Variants in PPM1L observed in about 807,000 individuals in gnomAD.
The protein encoded by PPM1L is protein phosphatase, Mg2+/Mn2+ dependent 1L, also known as protein phosphatase 1L.
A neutral mutation model predicts 31.4 loss-of-function variants in PPM1L; 13 were observed. That is an observed-to-expected ratio of 0.41 (90% CI 0.27 to 0.66). The LOEUF (loss-of-function observed/expected upper bound fraction) is 0.66, where lower values mean the gene tolerates loss of function less well. Ranked by LOEUF, PPM1L falls within the 30% of genes least tolerant of loss-of-function variation. The pLI, the probability that PPM1L is intolerant of heterozygous loss-of-function variation, is 0.29. For missense variants in PPM1L, 326 were observed against 453.7 expected (o/e 0.72, Z 2.56); for synonymous variants, 184 against 175.4 (o/e 1.05, Z -0.39).
intron 2 of PPM1L, among the ~76,000 whole-genome samples, chr3:160,977,594 G>T (rs1716639218): frequency 6.6e-6 from 1 of 152,054 alleles, no homozygotes; most frequent in Admixed American, 6.6e-5. Flanking sequence ...CCTCATTCAA[G>T]GAAGGAAGTA....
intron 2 of PPM1L, among the ~76,000 whole-genome samples, chr3:161,056,064 C>T (rs142605649): frequency 1.6e-3 from 246 of 152,204 alleles, no homozygotes; most frequent in African/African-American, 5.7e-3. Flanking sequence ...CTCAGGACTC[C>T]AATTTTTAAA....
chr3:161,030,843 T>C lies in PPM1L; in HGVS notation c.575-34560T>C, dbSNP rs191396128. 5.7e-4 allele frequency among the ~76,000 whole-genome samples: 87 copies of C among 152,094 alleles called. 1 individual carries two copies. Among genetic ancestry groups the C allele is most frequent in the Admixed American group, 5.6e-3 (85 of 15,268 alleles). ...ACACAGGATATAGAAACAATCTCTG[T>C]TGAGAAAAAAAAAGGAAAGCTTCCA... On this transcript the variant is annotated intron_variant, in intron 2 of 3. Transcript: ENST00000498165.
chr3:160,770,493 TG>T (rs1715221418), intron 1 of PPM1L, among the ~76,000 whole-genome samples: 1 of 152,138 alleles, frequency 6.6e-6, no homozygotes, highest in Non-Finnish European at 1.5e-5. Flanking sequence ...TATAGAGAAT[TG>T]ATAATCACAG....
At chr3:161,050,263 G>A (rs970629015) in intron 2 of PPM1L, among the ~76,000 whole-genome samples, 19 of 152,014 alleles carry the variant, frequency 1.2e-4, no homozygotes, top group Admixed American at 9.2e-4. Context: ...GATCCAGTGA[G>A]GAAAATCAAA....
chr3:160,763,582 A>C (rs1424303219), intron 1 of PPM1L, among the ~76,000 whole-genome samples: 2 of 152,060 alleles, frequency 1.3e-5, no homozygotes, highest in African/African-American at 4.8e-5. Flanking sequence ...AGGTGAGGAG[A>C]GTGGGAGATG....
At chr3:160,808,329 G>T (rs1202088586) in intron 1 of PPM1L, among the ~76,000 whole-genome samples, 1 of 144,998 alleles carries the variant, frequency 6.9e-6, no homozygotes, top group African/African-American at 2.7e-5. Flanking sequence ...GTGCGTGCAT[G>T]TGTGGTGGGT....
intron 2 of PPM1L, among the ~76,000 whole-genome samples, chr3:160,962,473 A>T (rs1039956727): frequency 2.6e-5 from 4 of 152,116 alleles, no homozygotes; most frequent in Non-Finnish European, 4.4e-5. Flanking sequence ...CTGTCAGCTA[A>T]GACCCAATTT....
chr3:160,909,364 G>C (rs1439449092), intron 1 of PPM1L, among the ~76,000 whole-genome samples: 1 of 152,166 alleles, frequency 6.6e-6, no homozygotes, highest in Non-Finnish European at 1.5e-5. Flanking sequence ...TGGAGTAATT[G>C]GTAGAAGGTG....
At chr3:161,026,107 G>C (rs1028432024) in intron 2 of PPM1L, among the ~76,000 whole-genome samples, 1 of 152,190 alleles carries the variant, frequency 6.6e-6, no homozygotes, top group African/African-American at 2.4e-5. Flanking sequence ...AAGGAGGTAA[G>C]AGGTGAGGGC....
intron 2 of PPM1L, among the ~76,000 whole-genome samples, chr3:161,027,033 T>C (rs912807237): frequency 2.0e-5 from 3 of 152,200 alleles, no homozygotes; most frequent in Non-Finnish European, 4.4e-5. Context: ...CTCTATGCAT[T>C]GGTTTTCTCA....
chr3:160,862,180 A>T (rs1490982926), intron 1 of PPM1L, among the ~76,000 whole-genome samples: 2 of 152,024 alleles, frequency 1.3e-5, no homozygotes, highest in Non-Finnish European at 2.9e-5. Context: ...TTAGTATTTC[A>T]CTCACTCCCA....
At chr3:160,816,399 A>G (rs1712996376) in intron 1 of PPM1L, among the ~76,000 whole-genome samples, 1 of 151,972 alleles carries the variant, frequency 6.6e-6, no homozygotes, top group Admixed American at 6.6e-5. Context: ...ATGGGAAAGA[A>G]CATTTATTTT....
chr3:160,856,440 T>G (rs75908413), intron 1 of PPM1L, among the ~76,000 whole-genome samples: 6,566 of 152,258 alleles, frequency 0.043, 192 homozygotes, highest in Middle Eastern at 0.13. Flanking sequence ...ATAAAAAAAT[T>G]GTGGTATATA....
intron 2 of PPM1L, among the ~76,000 whole-genome samples, chr3:160,983,740 A>G (rs1021508833): frequency 2.0e-5 from 3 of 152,048 alleles, no homozygotes; most frequent in Admixed American, 1.3e-4. Flanking sequence ...GTTCTTTTCT[A>G]TTTACCTAAG....
At chr3:161,037,461 C>A (rs1718778016) in intron 2 of PPM1L, among the ~76,000 whole-genome samples, 1 of 138,492 alleles carries the variant, frequency 7.2e-6, no homozygotes, top group Non-Finnish European at 1.5e-5. Context: ...GTTGCCCAGG[C>A]TAGAGTGCAA....
chr3:160,932,315 T>G (rs1030770955), intron 1 of PPM1L, among the ~76,000 whole-genome samples: 3 of 152,236 alleles, frequency 2.0e-5, no homozygotes, highest in Non-Finnish European at 4.4e-5. Flanking sequence ...AGTTTTATTT[T>G]GATACAAATT....
chr3:161,005,406 T>TA (rs893668794), intron 2 of PPM1L, among the ~76,000 whole-genome samples: 15 of 152,142 alleles, frequency 9.9e-5, no homozygotes, highest in Non-Finnish European at 1.5e-4. Flanking sequence ...TATGATCTCA[T>TA]AAAAAAGTGA....
intron 2 of PPM1L, among the ~76,000 whole-genome samples, chr3:161,002,598 G>A (rs1398409177): frequency 6.7e-6 from 1 of 148,588 alleles, no homozygotes; most frequent in Non-Finnish European, 1.5e-5. Flanking sequence ...GTGATGGTGA[G>A]CATTTTTTCA....
chr3:160,825,603 C>A (rs1281617650), intron 1 of PPM1L, among the ~76,000 whole-genome samples: 1 of 152,154 alleles, frequency 6.6e-6, no homozygotes, highest in Non-Finnish European at 1.5e-5. Flanking sequence ...TCACTAAGGG[C>A]AACACTATTA....
Sources: gnomAD v4.1 joint callset for allele counts (sites outside exome capture counted in the v4.1 genomes callset) on GRCh38, gnomAD v4.1.1 for gene constraint, MANE v1.5 for transcripts, NCBI Gene and HGNC (gene_info 2026-07-23, HGNC 2026-07-21) for gene names.